Variants in SLC8A1 observed in about 807,000 individuals in gnomAD.
The protein encoded by SLC8A1 is sodium/calcium exchanger 1.
SLC8A1 carries 18 observed loss-of-function variants against 68.3 expected under a neutral mutation model. The ratio of observed to expected loss-of-function variants is 0.26; its 90% CI spans 0.18 to 0.39. SLC8A1 has a LOEUF of 0.39. Among genes scored for constraint, SLC8A1 ranks in the 10% least tolerant of loss-of-function variants. SLC8A1 has a pLI of 1.00. For missense variants in SLC8A1, 985 were observed against 1,156.7 expected (o/e 0.85, Z 2.15); for synonymous variants, 475 against 415.5 (o/e 1.14, Z -1.74).
chr2:40,286,911 A>T (rs1452489530), intron 2 of SLC8A1, among the ~76,000 whole-genome samples: 2 of 152,202 alleles, frequency 1.3e-5, no homozygotes, highest in Non-Finnish European at 2.9e-5. Flanking sequence ...CAAGTGAAAG[A>T]TGATGCAACC....
chr2:40,119,685 T>A (rs1212235184), intron 7 of SLC8A1, among the ~76,000 whole-genome samples: 5 of 152,246 alleles, frequency 3.3e-5, no homozygotes, highest in African/African-American at 9.6e-5. Flanking sequence ...AGATTTCCAA[T>A]GCGATTGACA....
chr2:40,290,965 C>T (rs1230985337), intron 2 of SLC8A1, among the ~76,000 whole-genome samples: 2 of 152,130 alleles, frequency 1.3e-5, no homozygotes, highest in Non-Finnish European at 2.9e-5. Context: ...ACAGAAAAGT[C>T]CCATCAGTGG....
chr2:40,235,610 T>G (rs1197409730), intron 2 of SLC8A1, among the ~76,000 whole-genome samples: 1 of 152,030 alleles, frequency 6.6e-6, no homozygotes, highest in Non-Finnish European at 1.5e-5. Flanking sequence ...TCAGTTCTGC[T>G]CTGATTTTAG....
intron 2 of SLC8A1, among the ~76,000 whole-genome samples, chr2:40,184,060 C>T (rs1310407442): frequency 6.6e-6 from 1 of 151,988 alleles, no homozygotes; most frequent in African/African-American, 2.4e-5. Flanking sequence ...GCCTGCACCC[C>T]AGCTACATGC....
In SLC8A1 at chr2:40,184,898, C is replaced by CA. The variant is rs66662572; in HGVS notation, c.1809-7044dup. 1.4e-3 allele frequency among the ~76,000 whole-genome samples: 151 copies of CA among 106,510 alleles called. No individual in the cohort carries two copies. The Middle Eastern group carries it at 0.015, about 10-fold the overall frequency. 69.9% of individuals were successfully genotyped at this position (106,510 alleles called of 152,430 possible). A position where few individuals can be genotyped will look rare whatever the true frequency, so the allele number is the denominator to read the frequency against. On this transcript the variant is annotated intron_variant, in intron 2 of 7. Coordinates refer to ENST00000406785, the Ensembl canonical transcript of SLC8A1. ...CTTACAAAGACAAACTAACCAAAAA[C>CA]AAAAAAAAAAAAAAAAAAAAAGGAA...
intron 2 of SLC8A1, among the ~76,000 whole-genome samples, chr2:40,185,575 C>T (rs2050549884): frequency 6.6e-6 from 1 of 152,058 alleles, no homozygotes; most frequent in African/African-American, 2.4e-5. Context: ...TAGTGATTGC[C>T]TCAAGCTGGG....
At chr2:40,455,454 G>T (rs1014830544), upstream of SLC8A1, among the ~76,000 whole-genome samples, 1 of 152,008 alleles carries the variant, frequency 6.6e-6, no homozygotes, top group African/African-American at 2.4e-5. Flanking sequence ...AGTCTTAGTC[G>T]TCCCTCACCT....
chr2:40,165,920 A>C (rs1244397614), intron 4 of SLC8A1, among the ~76,000 whole-genome samples: 1 of 152,198 alleles, frequency 6.6e-6, no homozygotes, highest in Non-Finnish European at 1.5e-5. Flanking sequence ...TTAGGCCCAG[A>C]ATGCTGAAAC....
intron 3 of SLC8A1, chr2:40,177,637 A>T (rs1341254345): frequency 4.8e-6 from 3 of 629,970 alleles, no homozygotes; most frequent in Non-Finnish European, 8.4e-6. Flanking sequence ...TTCAAAGGCA[A>T]TGAAGTATAG....
intron 7 of SLC8A1, among the ~76,000 whole-genome samples, chr2:40,134,990 T>C (rs2040211792): frequency 6.6e-6 from 1 of 152,192 alleles, no homozygotes; most frequent in Admixed American, 6.5e-5. Flanking sequence ...TTTAAAGATA[T>C]CATTTAAGAT....
intron 1 of SLC8A1, among the ~76,000 whole-genome samples, chr2:40,496,436 G>C (rs1388813484): frequency 6.6e-6 from 1 of 152,084 alleles, no homozygotes; most frequent in Non-Finnish European, 1.5e-5. Flanking sequence ...TCTGAATAAT[G>C]TTGCTAAAAA....
At chr2:40,416,291 T>G (rs1693852967) in intron 2 of SLC8A1, among the ~76,000 whole-genome samples, 1 of 152,088 alleles carries the variant, frequency 6.6e-6, no homozygotes. Context: ...TTTGACAAAA[T>G]TCATTTTAGT....
chr2:40,122,879 C>T (rs2037235077), intron 7 of SLC8A1, among the ~76,000 whole-genome samples: 1 of 151,944 alleles, frequency 6.6e-6, no homozygotes, highest in Admixed American at 6.6e-5. Flanking sequence ...TGGAGGTGCC[C>T]CGGGCTTAGT....
Position 40,361,194 on chromosome 2 carries a change from C to A in SLC8A1, c.1808+67279G>T, listed in dbSNP as rs1474607284. 2.6e-5 allele frequency among the ~76,000 whole-genome samples: 4 copies of A among 152,100 alleles called. No individual in the cohort carries two copies. In the East Asian group the frequency reaches 7.8e-4, roughly 29 times the overall value. On this transcript the variant is annotated intron_variant, in intron 2 of 7. Transcript: ENST00000406785. ...CTTGTTCATGAATGGAGTTTAATGGCTAAGATACTCTCTAAGCACACTAGG... is the reference window on the plus strand; with the variant it reads ...CTTGTTCATGAATGGAGTTTAATGGATAAGATACTCTCTAAGCACACTAGG...
intron 2 of SLC8A1, among the ~76,000 whole-genome samples, chr2:40,269,945 A>G (rs143220230): frequency 8.1e-4 from 124 of 152,300 alleles, no homozygotes; most frequent in African/African-American, 2.3e-3. Context: ...GGTGAATGGC[A>G]TATTTTACAC....
intron 2 of SLC8A1, among the ~76,000 whole-genome samples, chr2:40,208,115 G>GAAGA (rs1280934614): frequency 6.6e-6 from 1 of 152,108 alleles, no homozygotes; most frequent in African/African-American, 2.4e-5. Flanking sequence ...GAACATGAAG[G>GAAGA]AAGAAGTTAG....
rs570798650 is a variant in SLC8A1, at chr2:40,209,159, G to A, written c.1809-31304C>T. 3.3e-5 allele frequency: 5 copies of A among 152,156 alleles called. No homozygotes were observed. In the East Asian group the frequency reaches 9.7e-4, roughly 29 times the overall value. 9.4% of individuals were successfully genotyped at this position (152,156 alleles called of 1,614,324 possible). A position where few individuals can be genotyped will look rare whatever the true frequency, so the allele number is the denominator to read the frequency against. On this transcript the variant is annotated intron_variant, in intron 2 of 7. Transcript: ENST00000406785. ...TATGGAAAGAGTACAGGAAAGCTAG[G>A]GAGATGAGGAGTAATGAGGTGAGAG... is the stretch of plus-strand genomic sequence containing the variant.
intron 2 of SLC8A1, chr2:40,177,890 T>C (rs891660248): frequency 1.8e-5 from 25 of 1,364,630 alleles, no homozygotes; most frequent in Non-Finnish European, 1.8e-5. Context: ...AAACAAATGG[T>C]TGGAGTCACA....
In SLC8A1 at chr2:40,342,622, T is replaced by C. The variant is rs565122264; in HGVS notation, c.1808+85851A>G. On this transcript the variant is annotated intron_variant, in intron 2 of 7. Coordinates refer to ENST00000406785, the Ensembl canonical transcript of SLC8A1. Reference sequence around the variant, plus strand: ...CCCAGGGGGCCAACATGCTGTTAGATAGTTTATGATGACAAGGAATTTAGG... The same window carrying C: ...CCCAGGGGGCCAACATGCTGTTAGACAGTTTATGATGACAAGGAATTTAGG... Among the ~76,000 whole-genome samples, 9 of 152,260 alleles carry C rather than the reference T, an allele frequency of 5.9e-5. No homozygotes were observed. The East Asian group carries it at 9.7e-4, about 16-fold the overall frequency.
Sources: allele counts gnomAD v4.1 joint callset (sites outside exome capture counted in the v4.1 genomes callset), GRCh38; gene constraint gnomAD v4.1.1; transcripts MANE v1.5; gene names NCBI Gene and HGNC (gene_info 2026-07-23, HGNC 2026-07-21).